Variants in TEAD1 observed in about 807,000 individuals in gnomAD.
The protein encoded by TEAD1 is TEA domain transcription factor 1, also known as transcriptional enhancer factor TEF-1.
TEAD1 carries 9 observed loss-of-function variants against 54.9 expected under a neutral mutation model. The observed-to-expected ratio is 0.16, with a 90% CI of 0.10 to 0.29. TEAD1 has a LOEUF of 0.29. Among genes scored for constraint, TEAD1 ranks in the 10% least tolerant of loss-of-function variants. TEAD1 has a pLI of 1.00. For synonymous variants in TEAD1, 200 were observed against 187.8 expected, an observed-to-expected ratio of 1.07 and a Z score of -0.53; for missense variants, 387 against 535.9, an observed-to-expected ratio of 0.72 and a Z score of 2.74.
chr11:12,724,888 G>A (rs1232693159), intron 2 of TEAD1, among the ~76,000 whole-genome samples: 4 of 152,222 alleles, frequency 2.6e-5, no homozygotes, highest in African/African-American at 9.7e-5. Context: ...CACCTGGCGA[G>A]GCCTGTGCTT....
chr11:12,803,179 C>T (rs1246158857), intron 3 of TEAD1, among the ~76,000 whole-genome samples: 3 of 151,766 alleles, frequency 2.0e-5, no homozygotes, highest in African/African-American at 4.8e-5. Context: ...TCCCCCCTTT[C>T]CCCGAGAGGC....
intron 8 of TEAD1, 84 bp downstream of exon 8, chr11:12,882,041 A>T: frequency 6.7e-7 from 1 of 1,482,876 alleles, no homozygotes; most frequent in African/African-American, 1.4e-5. Flanking sequence ...CAGAGTCAAG[A>T]GATGCTCAAC....
chr11:12,699,082 G>A (rs779643322), intron 2 of TEAD1, among the ~76,000 whole-genome samples: 7 of 152,052 alleles, frequency 4.6e-5, no homozygotes, highest in Admixed American at 6.5e-5. Flanking sequence ...AATTGGATAC[G>A]TCTCCAATTT....
At chr11:12,916,460 T>C (rs1221596046) in intron 10 of TEAD1, among the ~76,000 whole-genome samples, 2 of 152,184 alleles carry the variant, frequency 1.3e-5, no homozygotes, top group African/African-American at 4.8e-5. Context: ...TTCATCTCTA[T>C]TGTGGTCAAT....
chr11:12,802,815 C>A (rs1200099065), intron 3 of TEAD1, among the ~76,000 whole-genome samples: 1 of 152,216 alleles, frequency 6.6e-6, no homozygotes, highest in Non-Finnish European at 1.5e-5. Context: ...CCTTTGTTCT[C>A]CTGGTTGAAA....
chr11:12,882,493 A>G (rs1219346595), intron 8 of TEAD1, among the ~76,000 whole-genome samples: 1 of 152,160 alleles, frequency 6.6e-6, no homozygotes, highest in Non-Finnish European at 1.5e-5. Flanking sequence ...TGTACAGTAT[A>G]AAAGTCACTG....
At chr11:12,684,053 C>T (rs1288380513) in intron 2 of TEAD1, among the ~76,000 whole-genome samples, 7 of 152,096 alleles carry the variant, frequency 4.6e-5, no homozygotes, top group Admixed American at 1.3e-4. Flanking sequence ...GATTTTCTGC[C>T]AAGTCACCCT....
At chr11:12,753,586 T>C (rs1944922800) in intron 2 of TEAD1, among the ~76,000 whole-genome samples, 1 of 152,172 alleles carries the variant, frequency 6.6e-6, no homozygotes, top group Admixed American at 6.5e-5. Flanking sequence ...GCTTTTTACT[T>C]TTTTTTCTAT....
At chr11:12,892,821 A>AT (rs1003927035) in intron 9 of TEAD1, among the ~76,000 whole-genome samples, 7 of 152,082 alleles carry the variant, frequency 4.6e-5, no homozygotes, top group African/African-American at 1.7e-4. Context: ...GGGGTGGAGA[A>AT]TGGCTGTTTG....
In TEAD1 at chr11:12,697,668, T is replaced by C. The variant is rs77069937; in HGVS notation, c.-55+22107T>C. 9.8e-3 allele frequency among the ~76,000 whole-genome samples: 1,485 copies of C among 152,274 alleles called. 25 individuals are homozygous for C. Among genetic ancestry groups the C allele is most frequent in the African/African-American group, 0.033 (1,379 of 41,556 alleles). On this transcript the variant is annotated intron_variant, in intron 2 of 12. Coordinates refer to ENST00000527636, the MANE Select transcript of TEAD1 (RefSeq NM_021961.6). ...TTTGTATATTTAGGAAGTGGAAATA[T>C]GGAAACTCTGTGCTTTAAATTGAGA...
intron 2 of TEAD1, among the ~76,000 whole-genome samples, chr11:12,696,383 C>T (rs1042822463): frequency 3.3e-5 from 5 of 152,210 alleles, no homozygotes; most frequent in South Asian, 4.1e-4. Context: ...GATGCTCACA[C>T]TGTAGTTCAG....
chr11:12,700,017 A>G lies in TEAD1; in HGVS notation c.-55+24456A>G, dbSNP rs191755680. Reference sequence around the variant, plus strand: ...CACAGGCGTTGTCAACCCACACATTATTTGGGAAATAATGCTGTGAATCAA... The same window carrying G: ...CACAGGCGTTGTCAACCCACACATTGTTTGGGAAATAATGCTGTGAATCAA... On this transcript the variant is annotated intron_variant, in intron 2 of 12. Transcript: ENST00000527636. 3.9e-3 allele frequency among the ~76,000 whole-genome samples: 587 copies of G among 152,348 alleles called. 2 individuals are homozygous for G. The highest frequency in any genetic ancestry group is 5.3e-3 in the Non-Finnish European group (364 of 68,040).
intron 9 of TEAD1, among the ~76,000 whole-genome samples, chr11:12,899,661 C>T (rs182757977): frequency 6.6e-6 from 1 of 152,210 alleles, no homozygotes; most frequent in African/African-American, 2.4e-5. Context: ...TGAGGCAGAC[C>T]CTGTTGTTTT....
At chr11:12,773,659 C>A (rs1250728340) in intron 3 of TEAD1, among the ~76,000 whole-genome samples, 1 of 152,160 alleles carries the variant, frequency 6.6e-6, no homozygotes, top group South Asian at 2.1e-4. Flanking sequence ...TTTCTAGATA[C>A]AACTCCCTTT....
intron 12 of TEAD1, among the ~76,000 whole-genome samples, chr11:12,935,555 G>T (rs1050547768): frequency 3.3e-5 from 5 of 152,108 alleles, no homozygotes; most frequent in Admixed American, 3.3e-4. Context: ...TGCCTCCCGG[G>T]CTCAAGTGAT....
chr11:12,902,034 A>G lies in TEAD1; in HGVS notation c.794A>G (p.Lys265Arg), dbSNP rs185392303. 1 of 1,614,246 alleles carries G rather than the reference A, an allele frequency of 6.2e-7. No homozygotes were observed. The highest frequency in any genetic ancestry group is 2.2e-5 in the East Asian group (1 of 44,892). The change falls in exon 10 of 13, where the codon AAA becomes AGA. Residue 265 changes from lysine (K) to arginine (R), a missense_variant. Physicochemically the swap from Lys to Arg is conservative, Grantham distance 26 (BLOSUM62 2). Transcript: ENST00000527636. Reference sequence around the variant, plus strand: ...GTGGACATTCGTCAGATTTATGACAAATTTCCTGAAAAGAAAGGTGGCTTA... The same window carrying G: ...GTGGACATTCGTCAGATTTATGACAGATTTCCTGAAAAGAAAGGTGGCTTA...
At chr11:12,761,978 CTG>C (rs1472076070) in intron 2 of TEAD1, among the ~76,000 whole-genome samples, 1 of 152,110 alleles carries the variant, frequency 6.6e-6, no homozygotes, top group Non-Finnish European at 1.5e-5. Flanking sequence ...TCTGGAGACT[CTG>C]GGGCTTACAG....
chr11:12,830,915 T>A (rs1294086726), intron 3 of TEAD1, among the ~76,000 whole-genome samples: 1 of 152,054 alleles, frequency 6.6e-6, no homozygotes, highest in African/African-American at 2.4e-5. Context: ...TCTTCCCTTT[T>A]CTATCCTCCC....
chr11:12,782,322 G>A (rs1196650059), intron 3 of TEAD1, among the ~76,000 whole-genome samples: 2 of 152,184 alleles, frequency 1.3e-5, no homozygotes, highest in African/African-American at 2.4e-5. Context: ...GATGACACTT[G>A]AAAACTGTGC....
Sources: gnomAD v4.1 joint callset for allele counts (sites outside exome capture counted in the v4.1 genomes callset) on GRCh38, gnomAD v4.1.1 for gene constraint, MANE v1.5 for transcripts, NCBI Gene and HGNC (gene_info 2026-07-23, HGNC 2026-07-21) for gene names.